The following ROBO1 variants were observed in gnomAD, a reference collection of about 807,000 sequenced individuals.
ROBO1 encodes the protein roundabout guidance receptor 1.
A neutral mutation model predicts 195.9 loss-of-function variants in ROBO1; 149 were observed. That is an observed-to-expected ratio of 0.76 (90% CI 0.67 to 0.87). The LOEUF is 0.87. Among genes scored for constraint, ROBO1 ranks in the 40% least tolerant of loss-of-function variants. The pLI is 0.00. For missense variants in ROBO1, 1,933 were observed against 2,068.3 expected (o/e 0.93, Z 1.27); for synonymous variants, 816 against 733.2 (o/e 1.11, Z -1.82).
chr3:79,740,236 A>AAT (rs34984469), intron 1 of ROBO1, among the ~76,000 whole-genome samples: 3,232 of 143,588 alleles, frequency 0.023, 62 homozygotes, highest in Non-Finnish European at 0.032. Flanking sequence ...TTTATATATA[A>AAT]ATATATATAT....
chr3:78,834,583 T>A (rs568319493), intron 4 of ROBO1, among the ~76,000 whole-genome samples: 14 of 152,018 alleles, frequency 9.2e-5, no homozygotes, highest in Middle Eastern at 3.4e-3. Flanking sequence ...GTGCATATGC[T>A]ATATAATGAT....
At chr3:78,901,360 C>T (rs749303087) in intron 4 of ROBO1, among the ~76,000 whole-genome samples, 8 of 152,038 alleles carry the variant, frequency 5.3e-5, no homozygotes, top group Non-Finnish European at 1.0e-4. Flanking sequence ...AGATTAGAGA[C>T]AGCAAAAGTT....
intron 10 of ROBO1, among the ~76,000 whole-genome samples, chr3:78,682,342 A>T (rs1315311927): frequency 6.6e-6 from 1 of 151,664 alleles, no homozygotes; most frequent in South Asian, 2.1e-4. Flanking sequence ...AACTGTTTTT[A>T]TGTGCACCTG....
intron 4 of ROBO1, among the ~76,000 whole-genome samples, chr3:78,821,290 C>T (rs535634659): frequency 6.6e-6 from 1 of 151,496 alleles, no homozygotes; most frequent in Non-Finnish European, 1.5e-5. Context: ...CTCAGCCTCC[C>T]GAGTAACTGG....
intron 3 of ROBO1, among the ~76,000 whole-genome samples, chr3:78,947,241 C>A (rs991257982): frequency 6.6e-6 from 1 of 152,188 alleles, no homozygotes; most frequent in African/African-American, 2.4e-5. Context: ...CACCACACCA[C>A]ACCTACTCCA....
chr3:79,033,299 T>C (rs2078327949), intron 3 of ROBO1, among the ~76,000 whole-genome samples: 1 of 152,144 alleles, frequency 6.6e-6, no homozygotes, highest in Non-Finnish European at 1.5e-5. Flanking sequence ...TGTTTATTTC[T>C]TTAAAGTAAT....
At chr3:79,525,568 AT>A (rs1190770110) in intron 2 of ROBO1, among the ~76,000 whole-genome samples, 4 of 145,350 alleles carry the variant, frequency 2.8e-5, no homozygotes, top group South Asian at 4.3e-4. Context: ...ATATATATAT[AT>A]TTTTTTTGGT....
chr3:79,003,678 T>G (rs1012893991), intron 3 of ROBO1, among the ~76,000 whole-genome samples: 4 of 152,162 alleles, frequency 2.6e-5, no homozygotes, highest in Non-Finnish European at 5.9e-5. Flanking sequence ...TCTATTGACA[T>G]AATCCATTCA....
intron 2 of ROBO1, among the ~76,000 whole-genome samples, chr3:79,178,338 C>G (rs2081288878): frequency 6.6e-6 from 1 of 151,992 alleles, no homozygotes; most frequent in Admixed American, 6.6e-5. Context: ...CTGTAAAAGC[C>G]TTATAAGAAA....
intron 4 of ROBO1, among the ~76,000 whole-genome samples, chr3:78,892,901 T>C (rs191480115): frequency 1.2e-3 from 190 of 152,290 alleles, no homozygotes; most frequent in Non-Finnish European, 2.1e-3. Flanking sequence ...GCCCATTTCC[T>C]TAAAATTCAG....
intron 3 of ROBO1, chr3:79,019,153 G>T (rs371486183): frequency 7.1e-6 from 7 of 986,426 alleles, no homozygotes; most frequent in East Asian, 2.3e-4. Flanking sequence ...GCGGACACTC[G>T]CACGTCTTCT....
chr3:78,642,662 T>C (rs966180159), intron 21 of ROBO1, among the ~76,000 whole-genome samples: 1 of 152,210 alleles, frequency 6.6e-6, no homozygotes, highest in African/African-American at 2.4e-5. Flanking sequence ...TTGCCTGGAA[T>C]GTTTGAGGAA....
intron 2 of ROBO1, among the ~76,000 whole-genome samples, chr3:79,214,518 G>A (rs1172446912): frequency 6.6e-6 from 1 of 151,898 alleles, no homozygotes; most frequent in African/African-American, 2.4e-5. Context: ...GTATTGTAAG[G>A]CGAATTCAAC....
intron 6 of ROBO1, 51 bp from the exon 7 acceptor site, chr3:78,717,464 GAAAAACA>G: frequency 6.6e-7 from 1 of 1,517,308 alleles, no homozygotes. Context: ...TGAACCAGCT[GAAAAACA>G]CTTTAGGAGT....
At chr3:79,094,660 T>C (rs2079535069) in intron 3 of ROBO1, among the ~76,000 whole-genome samples, 1 of 152,160 alleles carries the variant, frequency 6.6e-6, no homozygotes, top group South Asian at 2.1e-4. Flanking sequence ...ATACTAATGT[T>C]CTTTAAAAAT....
chr3:79,208,702 T>C (rs1469977577), intron 2 of ROBO1, among the ~76,000 whole-genome samples: 1 of 151,520 alleles, frequency 6.6e-6, no homozygotes, highest in Non-Finnish European at 1.5e-5. Context: ...TGTGTGTGTG[T>C]GTGTGTGTGT....
chr3:78,761,007 T>G (rs2108366789), intron 4 of ROBO1, among the ~76,000 whole-genome samples: 1 of 152,268 alleles, frequency 6.6e-6, no homozygotes, highest in Non-Finnish European at 1.5e-5. Context: ...TTAATTATTA[T>G]TGAGTTATTA....
intron 3 of ROBO1, among the ~76,000 whole-genome samples, chr3:79,121,229 G>A (rs185742665): frequency 1.3e-5 from 2 of 152,006 alleles, no homozygotes; most frequent in Non-Finnish European, 2.9e-5. Flanking sequence ...GTACATACAC[G>A]TTAAAAATTC....
At chr3:78,837,165 C>A (rs1183388264) in intron 4 of ROBO1, among the ~76,000 whole-genome samples, 2 of 152,110 alleles carry the variant, frequency 1.3e-5, no homozygotes, top group Non-Finnish European at 2.9e-5. Flanking sequence ...AATTTCTTCA[C>A]AATTAAAAAT....
Sources: gnomAD v4.1 joint callset for allele counts (sites outside exome capture counted in the v4.1 genomes callset) on GRCh38, gnomAD v4.1.1 for gene constraint, MANE v1.5 for transcripts, NCBI Gene and HGNC (gene_info 2026-07-23, HGNC 2026-07-21) for gene names.